SHISA9: variants seen among roughly 807,000 people sequenced by gnomAD.
SHISA9 encodes shisa family member 9.
Under a neutral mutation model 38.0 loss-of-function variants are expected in SHISA9, and 13 were observed. The observed-to-expected ratio is 0.34, with a 90% CI of 0.22 to 0.54. The LOEUF (loss-of-function observed/expected upper bound fraction) is 0.54. Among genes scored for constraint, SHISA9 ranks in the 20% least tolerant of loss-of-function variants. The probability of loss-of-function intolerance (pLI) is 0.91; values close to 1 mark genes in which losing one functional copy is unlikely to be tolerated. For missense variants in SHISA9, 538 were observed against 575.8 expected, an observed-to-expected ratio of 0.93 and a Z score of 0.67; for synonymous variants, 275 against 242.0, an observed-to-expected ratio of 1.14 and a Z score of -1.27.
At chr16:13,221,332 T>G (rs2051222990) in intron 4 of SHISA9, among the ~76,000 whole-genome samples, 1 of 151,968 alleles carries the variant, frequency 6.6e-6, no homozygotes, top group East Asian at 1.9e-4. Context: ...CTTAGGAAAC[T>G]CAGGCTTTTT....
the SHISA9 span, among the ~76,000 whole-genome samples, chr16:13,313,052 G>T: frequency 1.3e-5 from 2 of 151,140 alleles, no homozygotes; most frequent in Non-Finnish European, 3.0e-5. Flanking sequence ...TCAGGAGTTC[G>T]AGACCATCCC....
intron 2 of SHISA9, among the ~76,000 whole-genome samples, chr16:13,027,937 A>AAC (rs2072944648): frequency 2.0e-5 from 3 of 150,496 alleles, no homozygotes; most frequent in African/African-American, 7.3e-5. Context: ...CAAAAACAAA[A>AAC]AAAAAAAAAA....
chr16:12,942,057 G>A (rs2071619034), intron 2 of SHISA9, among the ~76,000 whole-genome samples: 1 of 152,178 alleles, frequency 6.6e-6, no homozygotes. Context: ...AGCCATTTGG[G>A]ACCCTCAGTG....
At chr16:13,458,579 A>T in the SHISA9 span, 37 of 411,612 alleles carry the variant, frequency 9.0e-5, no homozygotes, top group African/African-American at 6.7e-4. Flanking sequence ...AAGGTGAAAG[A>T]GATACCCAGA....
intron 2 of SHISA9, among the ~76,000 whole-genome samples, chr16:13,041,335 G>A (rs1596605900): frequency 6.6e-6 from 1 of 152,160 alleles, no homozygotes; most frequent in Non-Finnish European, 1.5e-5. Flanking sequence ...CCCAGGCTTA[G>A]GACTCCTGCT....
the SHISA9 span, among the ~76,000 whole-genome samples, chr16:13,457,781 A>C: frequency 1.3e-5 from 2 of 152,026 alleles, no homozygotes; most frequent in African/African-American, 4.8e-5. Flanking sequence ...TCAAACAGGA[A>C]CTGAAGGCTC....
intron 2 of SHISA9, among the ~76,000 whole-genome samples, chr16:12,943,346 A>T (rs1354691894): frequency 1.2e-3 from 41 of 35,140 alleles, no homozygotes; most frequent in Non-Finnish European, 1.8e-3. Context: ...AGAGAGAGAG[A>T]GAGAGAGAGA....
the SHISA9 span, among the ~76,000 whole-genome samples, chr16:13,471,031 A>G: frequency 6.6e-6 from 1 of 152,100 alleles, no homozygotes; most frequent in African/African-American, 2.4e-5. Context: ...GCTGTGGACA[A>G]CTGGGGTTCA....
chr16:13,170,176 C>T (rs1407801722), intron 2 of SHISA9, among the ~76,000 whole-genome samples: 2 of 143,922 alleles, frequency 1.4e-5, no homozygotes, highest in Non-Finnish European at 3.0e-5. Flanking sequence ...GCACTCCAGC[C>T]TGGGCAACAG....
At chr16:12,980,597 G>C (rs1240285035) in intron 2 of SHISA9, among the ~76,000 whole-genome samples, 1 of 149,668 alleles carries the variant, frequency 6.7e-6, no homozygotes, top group Admixed American at 6.6e-5. Context: ...TTCTCTTTTG[G>C]AACTTTTTTA....
At chr16:13,474,943 T>G in the SHISA9 span, among the ~76,000 whole-genome samples, 3 of 151,938 alleles carry the variant, frequency 2.0e-5, no homozygotes, top group African/African-American at 7.2e-5. Flanking sequence ...AGGGGGACAG[T>G]CATAAACGAC....
At chr16:13,203,255 C>T (rs2051023489) in intron 2 of SHISA9, 139 bp from the exon 3 acceptor site, 2 of 705,952 alleles carry the variant, frequency 2.8e-6, no homozygotes, top group South Asian at 6.7e-5. Flanking sequence ...TCCCATGTAT[C>T]TGTGAACCCT....
the SHISA9 span, among the ~76,000 whole-genome samples, chr16:13,371,161 C>T: frequency 6.6e-6 from 1 of 152,138 alleles, no homozygotes; most frequent in Non-Finnish European, 1.5e-5. Context: ...GTAACTTATC[C>T]AAAACTACAA....
intron 2 of SHISA9, among the ~76,000 whole-genome samples, chr16:13,049,831 A>G (rs1446227401): frequency 6.6e-6 from 1 of 151,468 alleles, no homozygotes; most frequent in Non-Finnish European, 1.5e-5. Context: ...CAAACTTGGG[A>G]GGGTCTGAAT....
intron 2 of SHISA9, among the ~76,000 whole-genome samples, chr16:13,038,630 C>G (rs1451138432): frequency 6.6e-6 from 1 of 152,210 alleles, no homozygotes; most frequent in African/African-American, 2.4e-5. Context: ...GATTTCAGCT[C>G]AATCATTTCC....
At chr16:13,211,254 C>A (rs1012612692) in intron 3 of SHISA9, among the ~76,000 whole-genome samples, 2 of 150,822 alleles carry the variant, frequency 1.3e-5, no homozygotes, top group African/African-American at 4.9e-5. Flanking sequence ...TCCAGTGAGT[C>A]GAGATTGTGC....
chr16:13,539,938 T>A, the SHISA9 span, among the ~76,000 whole-genome samples: 220 of 151,990 alleles, frequency 1.4e-3, no homozygotes, highest in African/African-American at 5.0e-3. Context: ...TACTCTTTTT[T>A]ATGGCTGTAT....
intron 2 of SHISA9, among the ~76,000 whole-genome samples, chr16:13,004,962 A>AAAAAGAAAGAAAGAAAAGAAAAG (rs59819968): frequency 0.38 from 48,133 of 126,684 alleles, 9,610 homozygotes; most frequent in East Asian, 0.43. Flanking sequence ...AAAAAAAGAA[A>AAAAAGAAAGAAAGAAAAGAAAAG]AAAAGAAAGA....
chr16:13,015,876 TTCTTTC>T (rs1163654236), intron 2 of SHISA9, among the ~76,000 whole-genome samples: 1 of 112,786 alleles, frequency 8.9e-6, no homozygotes. Context: ...CTTTCTTTCT[TTCTTTC>T]TTTCTTTCTT....
Sources: allele counts gnomAD v4.1 joint callset (sites outside exome capture counted in the v4.1 genomes callset), GRCh38; gene constraint gnomAD v4.1.1; transcripts MANE v1.5; gene names NCBI Gene and HGNC (gene_info 2026-07-23, HGNC 2026-07-21).